Variants in SCN1A observed in about 807,000 individuals in gnomAD.
SCN1A encodes sodium channel protein type 1 subunit alpha.
Under a neutral mutation model 193.7 loss-of-function variants are expected in SCN1A, and 13 were observed. The observed-to-expected ratio is 0.07, with a 90% confidence interval of 0.04 to 0.11. The LOEUF is 0.11. Among genes scored for constraint, SCN1A ranks in the 10% least tolerant of loss-of-function variants. The pLI is 1.00. For missense variants in SCN1A, 1,432 were observed against 2,451.1 expected, an observed-to-expected ratio of 0.58 and a Z score of 8.78; for synonymous variants, 781 against 843.6, an observed-to-expected ratio of 0.93 and a Z score of 1.29.
At chr2:166,109,650 A>G (rs114255309) in intron 2 of SCN1A, 2,452 of 152,280 alleles carry the variant, frequency 0.016, 39 homozygotes, top group Middle Eastern at 0.041. Context: ...TATATCTGTT[A>G]TGGTGACCTG....
intron 22 of SCN1A, 131 bp from the exon 23 acceptor site, chr2:166,009,972 C>A (rs554277033): frequency 1.5e-5 from 12 of 804,412 alleles, no homozygotes; most frequent in Non-Finnish European, 1.9e-5. Context: ...TTTCAGTAAA[C>A]CTTTAAAAAA....
At chr2:166,072,789 T>TTTCTTTCCTTCCTTCCTTCCTTCCTTCC (rs1684564260) in intron 4 of SCN1A, among the ~76,000 whole-genome samples, 16 of 144,544 alleles carry the variant, frequency 1.1e-4, no homozygotes, top group African/African-American at 4.2e-4. Context: ...TGCCTCTTTC[T>TTTCTTTCCTTCCTTCCTTCCTTCCTTCC]TTCCTTCCTT....
chr2:166,043,241 C>A (rs1212065543), intron 14 of SCN1A, among the ~76,000 whole-genome samples: 1 of 152,192 alleles, frequency 6.6e-6, no homozygotes, highest in Non-Finnish European at 1.5e-5. Flanking sequence ...ATGAAGCTAT[C>A]TACTTAAGCA....
At chr2:166,145,492 T>C (rs1038596639) in intron 1 of SCN1A, among the ~76,000 whole-genome samples, 1 of 151,496 alleles carries the variant, frequency 6.6e-6, no homozygotes, top group Non-Finnish European at 1.5e-5. Flanking sequence ...TGTAGAATAG[T>C]ATATTGAAAA....
At chr2:166,097,097 C>T (rs949439117) in intron 2 of SCN1A, among the ~76,000 whole-genome samples, 2 of 151,618 alleles carry the variant, frequency 1.3e-5, no homozygotes, top group African/African-American at 4.9e-5. Flanking sequence ...TCGCGGCTCA[C>T]TGCAACCTAA....
chr2:166,033,152 T>C (rs1013014092), intron 19 of SCN1A, among the ~76,000 whole-genome samples: 21 of 152,140 alleles, frequency 1.4e-4, no homozygotes, highest in Admixed American at 2.0e-4. Context: ...TTTATTACTA[T>C]ACTCTATGCC....
chr2:166,039,044 A>C (rs12463682), intron 17 of SCN1A, among the ~76,000 whole-genome samples: 27,575 of 152,132 alleles, frequency 0.18, 2,835 homozygotes, highest in East Asian at 0.33. Flanking sequence ...CTGCATGCAC[A>C]TCTTACATCT....
At chr2:166,035,036 G>T (rs544750057) in intron 19 of SCN1A, among the ~76,000 whole-genome samples, 3 of 152,086 alleles carry the variant, frequency 2.0e-5, no homozygotes, top group Non-Finnish European at 2.9e-5. Flanking sequence ...GTCCAAACAG[G>T]CTAATGCATA....
Position 165,986,827 on chromosome 2 carries a change from T to A in SCN1A, c.*4418A>T, listed in dbSNP as rs1688644039. 6.6e-6 allele frequency: 1 copy of A among 152,104 alleles called. No individual in the cohort carries two copies. Among genetic ancestry groups the A allele is most frequent in the Non-Finnish European group, 1.5e-5 (1 of 67,998 alleles). 9.4% of individuals were successfully genotyped at this position (152,104 alleles called of 1,614,324 possible). A position where few individuals can be genotyped will look rare whatever the true frequency, so the allele number is the denominator to read the frequency against. On this transcript the variant is annotated 3_prime_UTR_variant, in exon 29 of 29. Transcript: ENST00000674923. ...TCTTTGAACTGATTCAAGAATGAGC[T>A]GCAGACATTGTTGCATTCACCCCTA...
chr2:166,130,054 G>C (rs1316965196), upstream of SCN1A, among the ~76,000 whole-genome samples: 1 of 152,092 alleles, frequency 6.6e-6, no homozygotes, highest in Non-Finnish European at 1.5e-5. Context: ...GGAGGAAGAA[G>C]TGACAAAAGA....
chr2:166,095,678 T>C (rs966214505), intron 2 of SCN1A, among the ~76,000 whole-genome samples: 24 of 152,178 alleles, frequency 1.6e-4, no homozygotes, highest in African/African-American at 5.6e-4. Context: ...TGGTTCAAAA[T>C]ATACTACACG....
intron 19 of SCN1A, among the ~76,000 whole-genome samples, chr2:166,019,818 T>C (rs1314617983): frequency 6.6e-6 from 1 of 152,186 alleles, no homozygotes; most frequent in African/African-American, 2.4e-5. Flanking sequence ...ATATTAGTGA[T>C]GGATGAAGTT....
At chr2:166,002,928 C>A in intron 23 of SCN1A, 175 bp from the exon 24 acceptor site, 2 of 520,584 alleles carry the variant, frequency 3.8e-6, no homozygotes, top group South Asian at 3.7e-5. Flanking sequence ...TTTTCTTAAG[C>A]AATACACTTA....
In SCN1A at chr2:165,990,888, C is replaced by A. The variant is rs2105418081; in HGVS notation, c.*357G>T. On this transcript the variant is annotated 3_prime_UTR_variant, in exon 29 of 29. Coordinates refer to ENST00000674923, the MANE Select transcript of SCN1A (RefSeq NM_001165963.4). ...TGTGACAAATGTGGCAGTTGAAATG[C>A]AAACAGTGGATACAATTACTACACT... 4.7e-6 allele frequency: 1 copy of A among 211,096 alleles called. No individual in the cohort carries two copies. Among genetic ancestry groups the A allele is most frequent in the Non-Finnish European group, 9.6e-6 (1 of 104,388 alleles). The allele number at this position is 211,096 out of a possible 1,614,324, so 13.1% of individuals were successfully genotyped here. A position where few individuals can be genotyped will look rare whatever the true frequency, so the allele number is the denominator to read the frequency against.
At chr2:166,020,832 AC>A (rs1693964799) in intron 19 of SCN1A, among the ~76,000 whole-genome samples, 1 of 152,178 alleles carries the variant, frequency 6.6e-6, no homozygotes. Context: ...GAAAAAAAAA[AC>A]TAAACAGAAA....
Position 166,077,807 on chromosome 2 carries a change from A to G in SCN1A, c.-141-6T>C, listed in dbSNP as rs1450992676. 6.6e-6 allele frequency: 1 copy of G among 152,048 alleles called. No homozygotes were observed. The highest frequency in any genetic ancestry group is 1.5e-5 in the Non-Finnish European group (1 of 67,912). The allele number at this position is 152,048 out of a possible 1,614,324, so 9.4% of individuals were successfully genotyped here. ...TTATTCATAATTGCCCAAACCTGGA[A>G]GCAACCAAGATGTCCTTCAGTAGGT... On this transcript the variant is annotated splice_region_variant and splice_polypyrimidine_tract_variant and intron_variant, in intron 2 of 28. Transcript: ENST00000674923.
intron 19 of SCN1A, among the ~76,000 whole-genome samples, chr2:166,034,486 A>G (rs760374552): frequency 1.3e-5 from 2 of 152,192 alleles, no homozygotes; most frequent in Non-Finnish European, 2.9e-5. Context: ...AATGTATTCA[A>G]TCCTTTAAAA....
In SCN1A at chr2:166,078,026, A is replaced by C. The variant is rs570361087; in HGVS notation, c.-141-225T>G. 8.5e-5 allele frequency among the ~76,000 whole-genome samples: 13 copies of C among 152,064 alleles called. No homozygotes were observed. The South Asian group carries it at 2.7e-3, about 31-fold the overall frequency. On this transcript the variant is annotated intron_variant, in intron 2 of 28. Coordinates refer to ENST00000674923, the MANE Select transcript of SCN1A (RefSeq NM_001165963.4). Reference sequence around the variant, plus strand: ...ATGGAAAAGACAAAACTACAGAGACAATAAAAAGATCAGTGATTGCCAGGG... The same window carrying C: ...ATGGAAAAGACAAAACTACAGAGACCATAAAAAGATCAGTGATTGCCAGGG...
intron 7 of SCN1A, chr2:166,053,164 A>C: frequency 5.3e-6 from 5 of 942,956 alleles, no homozygotes; most frequent in Non-Finnish European, 6.9e-6. Flanking sequence ...TCAAGATTTT[A>C]GCAGGATTTA....
Sources: gnomAD v4.1 joint callset for allele counts (sites outside exome capture counted in the v4.1 genomes callset) on GRCh38, gnomAD v4.1.1 for gene constraint, MANE v1.5 for transcripts, NCBI Gene and HGNC (gene_info 2026-07-23, HGNC 2026-07-21) for gene names.